Variants in PTPRD observed in about 807,000 individuals in gnomAD.
PTPRD encodes the protein receptor-type tyrosine-protein phosphatase delta.
Under a neutral mutation model 214.5 loss-of-function variants are expected in PTPRD, and 34 were observed. The observed-to-expected ratio is 0.16, with a 90% CI of 0.12 to 0.21. The LOEUF is 0.21. Among genes scored for constraint, PTPRD ranks in the 10% least tolerant of loss-of-function variants. The pLI is 1.00. For synonymous variants in PTPRD, 1,128 were observed against 845.7 expected (o/e 1.33, Z -5.79); for missense variants, 2,545 against 2,398.7 (o/e 1.06, Z -1.27).
intron 5 of PTPRD, among the ~76,000 whole-genome samples, chr9:9,817,921 T>C (rs2049309020): frequency 6.6e-6 from 1 of 152,172 alleles, no homozygotes; most frequent in East Asian, 1.9e-4. Context: ...TACTCCACCA[T>C]TTTAAGGACT....
chr9:9,547,093 A>G (rs1449709729), intron 8 of PTPRD, among the ~76,000 whole-genome samples: 1 of 152,096 alleles, frequency 6.6e-6, no homozygotes, highest in Non-Finnish European at 1.5e-5. Flanking sequence ...CAAAGACTCT[A>G]CAAAAACCAT....
At chr9:9,485,031 C>A (rs1460011124) in intron 8 of PTPRD, among the ~76,000 whole-genome samples, 1 of 152,154 alleles carries the variant, frequency 6.6e-6, no homozygotes, top group Non-Finnish European at 1.5e-5. Context: ...CTGTAAATGT[C>A]ACATTGTTCC....
intron 12 of PTPRD, among the ~76,000 whole-genome samples, chr9:8,718,326 C>T (rs145602953): frequency 1.8e-4 from 28 of 152,268 alleles, no homozygotes; most frequent in Admixed American, 7.8e-4. Context: ...AACTAGATCT[C>T]AGAACGCAAG....
chr9:8,964,057 G>C (rs114313522), intron 11 of PTPRD, among the ~76,000 whole-genome samples: 7,993 of 151,990 alleles, frequency 0.053, 507 homozygotes, highest in East Asian at 0.26. Flanking sequence ...GGTGATGCTG[G>C]CTTCATAGAA....
intron 5 of PTPRD, among the ~76,000 whole-genome samples, chr9:9,789,195 G>T (rs2098948813): frequency 6.6e-6 from 1 of 152,110 alleles, no homozygotes; most frequent in African/African-American, 2.4e-5. Flanking sequence ...GGAATTACAT[G>T]TTAAAACGTT....
chr9:8,479,022 G>T (rs978415927), intron 30 of PTPRD, among the ~76,000 whole-genome samples: 5 of 152,152 alleles, frequency 3.3e-5, no homozygotes, highest in Non-Finnish European at 7.4e-5. Context: ...TTAGCAACCT[G>T]CCCACCGTTC....
rs181858753 is a variant in PTPRD at position 9,588,746 on chromosome 9, C to T, written c.-286-13965G>A. 1.6e-3 allele frequency among the ~76,000 whole-genome samples: 250 copies of T among 151,936 alleles called. 2 individuals carry two copies. The highest frequency in any genetic ancestry group is 4.9e-3 in the African/African-American group (202 of 41,504). ...AAGTGAAAAGACAAATGAAATGTTA[C>T]GGGAACTGCATCAATATGTTTTCTA... On this transcript the variant is annotated intron_variant, in intron 7 of 45. Transcript: ENST00000381196.
At chr9:9,333,511 T>C in intron 9 of PTPRD, among the ~76,000 whole-genome samples, 1 of 145,562 alleles carries the variant, frequency 6.9e-6, no homozygotes, top group Non-Finnish European at 1.5e-5. Flanking sequence ...ATATTATATA[T>C]ATATATATAT....
intron 3 of PTPRD, among the ~76,000 whole-genome samples, chr9:10,131,316 T>A (rs1199710410): frequency 6.6e-6 from 1 of 152,132 alleles, no homozygotes; most frequent in Non-Finnish European, 1.5e-5. Flanking sequence ...CTTTTATGCA[T>A]CAGCATCCTT....
At chr9:8,947,263 A>T (rs1261753901) in intron 11 of PTPRD, among the ~76,000 whole-genome samples, 1 of 151,498 alleles carries the variant, frequency 6.6e-6, no homozygotes, top group Non-Finnish European at 1.5e-5. Flanking sequence ...GGAGATCAAG[A>T]CCATCCTGGC....
chr9:10,267,915 CTTGT>C (rs1251345445), intron 3 of PTPRD, among the ~76,000 whole-genome samples: 3 of 151,884 alleles, frequency 2.0e-5, no homozygotes, highest in Non-Finnish European at 2.9e-5. Flanking sequence ...ATCTAATGAT[CTTGT>C]TTATGTAAAA....
intron 30 of PTPRD, among the ~76,000 whole-genome samples, chr9:8,478,253 A>C (rs893184429): frequency 3.3e-5 from 5 of 152,134 alleles, no homozygotes; most frequent in African/African-American, 1.2e-4. Flanking sequence ...AGTTAAAGTA[A>C]TTTAACTCAC....
intron 4 of PTPRD, among the ~76,000 whole-genome samples, chr9:10,011,207 G>A (rs998230652): frequency 6.6e-6 from 1 of 151,898 alleles, no homozygotes; most frequent in African/African-American, 2.4e-5. Flanking sequence ...AACCTTGACA[G>A]TGTTCCAAGT....
At chr9:9,975,853 G>C (rs1309801147) in intron 4 of PTPRD, among the ~76,000 whole-genome samples, 1 of 152,132 alleles carries the variant, frequency 6.6e-6, no homozygotes, top group Non-Finnish European at 1.5e-5. Context: ...TGGGGATACT[G>C]ATAAATGACC....
intron 3 of PTPRD, among the ~76,000 whole-genome samples, chr9:10,138,410 C>T (rs1316649735): frequency 6.6e-6 from 1 of 151,626 alleles, no homozygotes; most frequent in Non-Finnish European, 1.5e-5. Flanking sequence ...CTAGCAACAA[C>T]AAAACAAAAC....
intron 2 of PTPRD, among the ~76,000 whole-genome samples, chr9:10,413,994 T>C (rs1270499863): frequency 6.6e-6 from 1 of 151,900 alleles, no homozygotes; most frequent in Non-Finnish European, 1.5e-5. Context: ...TCCCAAACTA[T>C]AAAAACCTTG....
chr9:10,298,494 T>A (rs1308986203), intron 3 of PTPRD, among the ~76,000 whole-genome samples: 13 of 152,106 alleles, frequency 8.5e-5, no homozygotes. Context: ...TTAAAATGCA[T>A]CTTTTCATTC....
chr9:10,037,778 C>A (rs1018134862), intron 3 of PTPRD, among the ~76,000 whole-genome samples: 1 of 152,008 alleles, frequency 6.6e-6, no homozygotes, highest in Non-Finnish European at 1.5e-5. Flanking sequence ...ACTTTAATAT[C>A]TAGAAAATAA....
chr9:8,560,309 T>C (rs2085659124), intron 14 of PTPRD, among the ~76,000 whole-genome samples: 2 of 152,164 alleles, frequency 1.3e-5, no homozygotes, highest in Admixed American at 1.3e-4. Flanking sequence ...ATGATCTATC[T>C]GTCCATAACC....
Sources: gnomAD v4.1 joint callset for allele counts (sites outside exome capture counted in the v4.1 genomes callset) on GRCh38, gnomAD v4.1.1 for gene constraint, MANE v1.5 for transcripts, NCBI Gene and HGNC (gene_info 2026-07-23, HGNC 2026-07-21) for gene names.